DSCAM: variants seen among roughly 807,000 people sequenced by gnomAD.
The protein encoded by DSCAM is cell adhesion molecule DSCAM.
Under a neutral mutation model 217.7 loss-of-function variants are expected in DSCAM, and 47 were observed. That is an observed-to-expected ratio of 0.22 (90% CI 0.17 to 0.28). The LOEUF is 0.28. Among genes scored for constraint, DSCAM ranks in the 10% least tolerant of loss-of-function variants. The probability of loss-of-function intolerance (pLI) is 1.00; values close to 1 mark genes in which losing one functional copy is unlikely to be tolerated. For synonymous variants in DSCAM, 1,056 were observed against 1,015.3 expected (o/e 1.04, Z -0.76); for missense variants, 2,080 against 2,618.3 (o/e 0.79, Z 4.49).
At chr21:40,164,323 G>A (rs903165102) in intron 16 of DSCAM, among the ~76,000 whole-genome samples, 1 of 152,134 alleles carries the variant, frequency 6.6e-6, no homozygotes, top group Non-Finnish European at 1.5e-5. Flanking sequence ...CAGGAGAGAC[G>A]ATGACACTTG....
chr21:40,549,516 C>A (rs550795066), intron 3 of DSCAM, among the ~76,000 whole-genome samples: 1 of 152,084 alleles, frequency 6.6e-6, no homozygotes, highest in African/African-American at 2.4e-5. Context: ...TATGACCAAA[C>A]GAAATAAAAC....
chr21:40,295,858 A>T (rs1159842270), intron 10 of DSCAM, among the ~76,000 whole-genome samples, 197 bp downstream of exon 10: 1 of 152,212 alleles, frequency 6.6e-6, no homozygotes, highest in Non-Finnish European at 1.5e-5. Context: ...GTTATGTACA[A>T]CAGACACGTT....
At chr21:40,046,956 A>T (rs1304930157) in intron 30 of DSCAM, among the ~76,000 whole-genome samples, 1 of 152,030 alleles carries the variant, frequency 6.6e-6, no homozygotes, top group African/African-American at 2.4e-5. Flanking sequence ...TCCATGGGAA[A>T]GTCGCACATG....
At chr21:40,140,333 CAA>C (rs776620249) in intron 18 of DSCAM, among the ~76,000 whole-genome samples, 9 of 152,162 alleles carry the variant, frequency 5.9e-5, no homozygotes, top group Non-Finnish European at 1.0e-4. Context: ...TGCACACTCC[CAA>C]GCATTTCTTT....
intron 3 of DSCAM, among the ~76,000 whole-genome samples, chr21:40,605,801 T>C (rs1445618478): frequency 1.5e-5 from 2 of 136,724 alleles, no homozygotes; most frequent in Non-Finnish European, 1.6e-5. Context: ...CTTTTTTTTT[T>C]TTTTTTTTTT....
chr21:40,038,949 T>C (rs1028663333), intron 32 of DSCAM, among the ~76,000 whole-genome samples: 2 of 141,038 alleles, frequency 1.4e-5, no homozygotes, highest in Non-Finnish European at 3.0e-5. Flanking sequence ...TTCTCACTCA[T>C]AGGTGGGAAT....
chr21:40,584,021 A>C lies in DSCAM; in HGVS notation c.508+108789T>G, dbSNP rs981452539. On this transcript the variant is annotated intron_variant, in intron 3 of 32. Coordinates refer to ENST00000400454, the MANE Select transcript of DSCAM (RefSeq NM_001389.5). ...CATTAAGGAATGAGGCAAAATTGCC[A>C]GTGTGCTTGGAACTATGCCCCCAAA... Among the ~76,000 whole-genome samples the C allele has an allele frequency of 4.6e-5, 7 of 152,264 alleles. No homozygotes were observed. The East Asian group carries it at 9.6e-4, about 21-fold the overall frequency.
At chr21:40,837,536 A>G (rs1274340898) in intron 1 of DSCAM, among the ~76,000 whole-genome samples, 1 of 152,216 alleles carries the variant, frequency 6.6e-6, no homozygotes, top group Admixed American at 6.5e-5. Context: ...GTGAGTCATA[A>G]CAGACACATC....
intron 3 of DSCAM, among the ~76,000 whole-genome samples, chr21:40,608,422 G>C (rs2089271052): frequency 6.6e-6 from 1 of 152,186 alleles, no homozygotes; most frequent in Admixed American, 6.5e-5. Flanking sequence ...TTGTATACCA[G>C]GTAACATTGT....
intron 13 of DSCAM, 76 bp downstream of exon 13, chr21:40,187,815 G>A: frequency 7.8e-7 from 1 of 1,274,832 alleles, no homozygotes; most frequent in Non-Finnish European, 1.1e-6. Flanking sequence ...TGAGGACACA[G>A]AGATGCCTGA....
intron 20 of DSCAM, among the ~76,000 whole-genome samples, chr21:40,115,974 T>C (rs2089965658): frequency 6.6e-6 from 1 of 152,154 alleles, no homozygotes; most frequent in East Asian, 1.9e-4. Flanking sequence ...TATGCAGCCA[T>C]GAAAAAGAAC....
chr21:40,542,634 C>T (rs1164673970), intron 3 of DSCAM, among the ~76,000 whole-genome samples: 2 of 152,208 alleles, frequency 1.3e-5, no homozygotes, highest in Non-Finnish European at 2.9e-5. Flanking sequence ...GGAAGCAAGG[C>T]TTCCCCAGAT....
At chr21:40,646,274 G>C (rs1174232361) in intron 3 of DSCAM, among the ~76,000 whole-genome samples, 1 of 152,046 alleles carries the variant, frequency 6.6e-6, no homozygotes, top group Non-Finnish European at 1.5e-5. Context: ...AATTAGCTGG[G>C]TGTGGTGGCA....
In DSCAM at chr21:40,191,997, A is replaced by G. The variant is rs1369755019; in HGVS notation, c.2357-2759T>C. ...TATTTCCATATAAGGTCATATTCCA[A>G]GGTTCTAAGGGGACATTAATTTTTG... On this transcript the variant is annotated intron_variant, in intron 11 of 32. Transcript: ENST00000400454. 2.0e-5 allele frequency among the ~76,000 whole-genome samples: 3 copies of G among 152,302 alleles called. No individual in the cohort carries two copies. In the East Asian group the frequency reaches 5.8e-4, roughly 29 times the overall value.
chr21:40,182,647 G>GA, intron 14 of DSCAM, among the ~76,000 whole-genome samples: 1 of 134,678 alleles, frequency 7.4e-6, no homozygotes, highest in Non-Finnish European at 1.6e-5. Context: ...GGACAGGAGG[G>GA]GGTTACCAGA....
intron 20 of DSCAM, among the ~76,000 whole-genome samples, chr21:40,110,969 G>A (rs1043366989): frequency 7.9e-5 from 12 of 152,198 alleles, no homozygotes; most frequent in Non-Finnish European, 1.2e-4. Context: ...AGAGAGAATG[G>A]AACCAAGTTG....
chr21:40,576,353 A>T (rs1304321746), intron 3 of DSCAM, among the ~76,000 whole-genome samples: 1 of 152,222 alleles, frequency 6.6e-6, no homozygotes, highest in East Asian at 1.9e-4. Flanking sequence ...TAACAGGTAA[A>T]ACTAATTTGT....
At chr21:40,208,789 G>A (rs2091152865) in intron 11 of DSCAM, among the ~76,000 whole-genome samples, 1 of 152,128 alleles carries the variant, frequency 6.6e-6, no homozygotes, top group Admixed American at 6.6e-5. Flanking sequence ...ATATGGAGAG[G>A]CAGCTGCGGC....
chr21:40,663,663 C>T (rs934947458), intron 3 of DSCAM, among the ~76,000 whole-genome samples: 1 of 152,190 alleles, frequency 6.6e-6, no homozygotes, highest in Non-Finnish European at 1.5e-5. Flanking sequence ...CTCTTTCCCC[C>T]TGGCTACTGA....
Sources: gnomAD v4.1 joint callset for allele counts (sites outside exome capture counted in the v4.1 genomes callset) on GRCh38, gnomAD v4.1.1 for gene constraint, MANE v1.5 for transcripts, NCBI Gene and HGNC (gene_info 2026-07-23, HGNC 2026-07-21) for gene names.